The following COL25A1 variants were observed in gnomAD, a reference collection of about 807,000 sequenced individuals.
The protein encoded by COL25A1 is collagen type XXV alpha 1 chain, also known as collagen alpha-1(XXV) chain.
Under a neutral mutation model 128.4 loss-of-function variants are expected in COL25A1, and 103 were observed. The ratio of observed to expected loss-of-function variants is 0.80; its 90% CI spans 0.68 to 0.94. The LOEUF (loss-of-function observed/expected upper bound fraction) is 0.94, where lower values mean the gene tolerates loss of function less well. COL25A1 is among the 40% of genes least tolerant of loss of function. The pLI, the probability that COL25A1 is intolerant of heterozygous loss-of-function variation, is 0.00. For synonymous variants in COL25A1, 279 were observed against 277.2 expected (o/e 1.01, Z -0.06); for missense variants, 745 against 840.0 (o/e 0.89, Z 1.40).
chr4:109,051,810 C>T (rs560065273), intron 3 of COL25A1, among the ~76,000 whole-genome samples: 130 of 152,078 alleles, frequency 8.5e-4, no homozygotes, highest in Non-Finnish European at 1.6e-3. Flanking sequence ...AGATGACAGA[C>T]GAGAATTTTC....
At chr4:109,263,656 A>G (rs1319942645) in intron 3 of COL25A1, among the ~76,000 whole-genome samples, 5 of 152,238 alleles carry the variant, frequency 3.3e-5, no homozygotes, top group Non-Finnish European at 7.3e-5. Flanking sequence ...AATAAACTGA[A>G]CGTTGTTTAA....
intron 6 of COL25A1, among the ~76,000 whole-genome samples, chr4:108,977,788 A>T (rs1265442347): frequency 6.6e-6 from 1 of 152,208 alleles, no homozygotes; most frequent in Non-Finnish European, 1.5e-5. Context: ...GTTTCCACAT[A>T]GTAGCATTAA....
chr4:109,119,004 G>A (rs1355619282), intron 3 of COL25A1, among the ~76,000 whole-genome samples: 1 of 151,832 alleles, frequency 6.6e-6, no homozygotes, highest in Admixed American at 6.6e-5. Context: ...AGAATAGAAA[G>A]TATAAAATGT....
In COL25A1 at chr4:108,810,439, T is replaced by C. The variant is rs745973816; in HGVS notation, c.*3488A>G. The stretch of plus-strand genomic sequence containing the variant: ...TTCAAAAACAAGACCTTTCTTCTGG[T>C]AGGAATTAAAGATATTCTAATGTCC... On this transcript the variant is annotated 3_prime_UTR_variant, in exon 38 of 38. Transcript: ENST00000399132. 6.6e-6 allele frequency: 1 copy of C among 151,868 alleles called. No individual in the cohort carries two copies. The highest frequency in any genetic ancestry group is 1.5e-5 in the Non-Finnish European group (1 of 67,832). 9.4% of individuals were successfully genotyped at this position (151,868 alleles called of 1,614,324 possible).
intron 5 of COL25A1, among the ~76,000 whole-genome samples, chr4:109,010,795 C>T (rs1405160): frequency 0.51 from 77,752 of 152,064 alleles, 22,624 homozygotes; most frequent in African/African-American, 0.78. Flanking sequence ...GACAGAGTTA[C>T]GTTTTAAAAA....
At chr4:108,836,497 G>A (rs924038281) in intron 31 of COL25A1, among the ~76,000 whole-genome samples, 1 of 152,066 alleles carries the variant, frequency 6.6e-6, no homozygotes, top group Non-Finnish European at 1.5e-5. Flanking sequence ...ATGAGTTAGA[G>A]ATCAGCGTGG....
chr4:109,117,147 A>G (rs1767667632), intron 3 of COL25A1, among the ~76,000 whole-genome samples: 1 of 151,942 alleles, frequency 6.6e-6, no homozygotes, highest in Non-Finnish European at 1.5e-5. Flanking sequence ...ACCAAACCAC[A>G]CATGAATACC....
Position 109,262,284 on chromosome 4 carries a change from C to T in COL25A1, c.367+38299G>A, listed in dbSNP as rs113341998. ...ATCCCAGCACTTTGGGAGGCCGAGG[C>T]GGGTGGATCATCTGGGGTCAGGAGT... On this transcript the variant is annotated intron_variant, in intron 3 of 37. Coordinates refer to ENST00000399132, the MANE Select transcript of COL25A1 (RefSeq NM_198721.4). Among the ~76,000 whole-genome samples, 41 of 151,840 alleles carry T rather than the reference C, an allele frequency of 2.7e-4. 1 individual carries two copies. Among genetic ancestry groups the T allele is most frequent in the African/African-American group, 9.7e-4 (40 of 41,424 alleles).
At chr4:108,979,749 T>C (rs1009194491) in intron 6 of COL25A1, among the ~76,000 whole-genome samples, 2 of 152,218 alleles carry the variant, frequency 1.3e-5, no homozygotes, top group Non-Finnish European at 2.9e-5. Context: ...GCAAGCTTCA[T>C]TCTCTAAGAA....
intron 3 of COL25A1, among the ~76,000 whole-genome samples, chr4:109,108,557 G>T (rs894571742): frequency 1.1e-4 from 17 of 152,170 alleles, no homozygotes; most frequent in African/African-American, 3.6e-4. Context: ...GTAATGGGAT[G>T]GCTGGGTCAA....
chr4:108,974,236 G>C, intron 8 of COL25A1, 131 bp downstream of exon 8: 2 of 836,884 alleles, frequency 2.4e-6, no homozygotes, highest in Non-Finnish European at 3.9e-6. Context: ...ACTTACAAGT[G>C]GTATGGTATT....
intron 5 of COL25A1, among the ~76,000 whole-genome samples, chr4:109,012,661 C>T (rs1756737847): frequency 6.6e-6 from 1 of 152,094 alleles, no homozygotes; most frequent in Admixed American, 6.5e-5. Flanking sequence ...CCCGGCACTG[C>T]TGGCCCGCCC....
intron 3 of COL25A1, among the ~76,000 whole-genome samples, chr4:109,248,147 T>C (rs1422996142): frequency 1.3e-5 from 2 of 152,078 alleles, no homozygotes; most frequent in Non-Finnish European, 2.9e-5. Flanking sequence ...TACATATATA[T>C]AAATGTATTG....
intron 3 of COL25A1, among the ~76,000 whole-genome samples, chr4:109,299,078 G>T (rs1725261223): frequency 6.6e-6 from 1 of 152,142 alleles, no homozygotes; most frequent in Non-Finnish European, 1.5e-5. Context: ...TGTTGTGGTT[G>T]TCACTTTTCT....
intron 3 of COL25A1, among the ~76,000 whole-genome samples, chr4:109,194,547 G>A (rs1169143305): frequency 6.6e-6 from 1 of 151,594 alleles, no homozygotes; most frequent in Non-Finnish European, 1.5e-5. Flanking sequence ...GTATATAGAA[G>A]GAGTGAGGAG....
chr4:108,907,496 T>C lies in COL25A1; in HGVS notation c.781-6324A>G, dbSNP rs72668359. Among the ~76,000 whole-genome samples the C allele has an allele frequency of 9.3e-3, 1,416 of 152,282 alleles. 10 individuals are homozygous for C. Among genetic ancestry groups the C allele is most frequent in the Non-Finnish European group, 0.015 (1,037 of 68,030 alleles). The stretch of plus-strand genomic sequence containing the variant: ...AAGACCCTCTCAGAATTTACACAAG[T>C]GTCATCATTTACTCCATGAACTCAC... On this transcript the variant is annotated intron_variant, in intron 13 of 37. Coordinates refer to ENST00000399132, the MANE Select transcript of COL25A1 (RefSeq NM_198721.4).
At chr4:109,107,099 T>C (rs1766509445) in intron 3 of COL25A1, among the ~76,000 whole-genome samples, 1 of 151,908 alleles carries the variant, frequency 6.6e-6, no homozygotes, top group Admixed American at 6.6e-5. Flanking sequence ...TTCAAAAAGT[T>C]TTTTTTAAAC....
intron 6 of COL25A1, among the ~76,000 whole-genome samples, chr4:108,978,013 A>C (rs1752604745): frequency 6.6e-6 from 1 of 152,226 alleles, no homozygotes; most frequent in Non-Finnish European, 1.5e-5. Flanking sequence ...GTTTTTGTGA[A>C]GTTATTTGAC....
At chr4:109,279,704 C>T (rs562765550) in intron 3 of COL25A1, among the ~76,000 whole-genome samples, 1 of 152,234 alleles carries the variant, frequency 6.6e-6, no homozygotes, top group East Asian at 1.9e-4. Flanking sequence ...TAGGCACATA[C>T]ACGTGTTGAA....
Sources: gnomAD v4.1 joint callset for allele counts (sites outside exome capture counted in the v4.1 genomes callset) on GRCh38, gnomAD v4.1.1 for gene constraint, MANE v1.5 for transcripts, NCBI Gene and HGNC (gene_info 2026-07-23, HGNC 2026-07-21) for gene names.